Variants in PSD3 observed in about 807,000 individuals in gnomAD.
The protein encoded by PSD3 is PH and SEC7 domain-containing protein 3.
In PSD3, 49 loss-of-function variants were observed where a neutral mutation model predicts 105.5. That is an observed-to-expected ratio of 0.46 (90% CI 0.37 to 0.59). The LOEUF is 0.59. PSD3 is among the 20% of genes least tolerant of loss of function. The probability of loss-of-function intolerance (pLI) is 0.00; values close to 1 mark genes in which losing one functional copy is unlikely to be tolerated. For missense variants in PSD3, 1,561 were observed against 1,263.8 expected (o/e 1.24, Z -3.57); for synonymous variants, 557 against 457.8 (o/e 1.22, Z -2.77).
At position 18,765,505 on chromosome 8, in the gene PSD3, T is replaced by C. The variant is rs772838293; in HGVS notation, c.2116A>G (p.Ile706Val). The change falls in exon 9 of 16, where the codon ATT becomes GTT. Residue 706 changes from isoleucine (I) to valine (V), a missense_variant. Ile to Val is a conservative substitution (Grantham distance 29). Coordinates refer to ENST00000327040, the MANE Select transcript of PSD3 (RefSeq NM_015310.4). Reference protein sequence around the residue: ...IGKKMTCQEFIANLQGVNEGV... With the variant: ...IGKKMTCQEFVANLQGVNEGV... ...TCATTTACCCCTTGCAGATTTGCAATGAACTCCTGACAGGTCATCTTCTTT... is the reference window on the plus strand; with the variant it reads ...TCATTTACCCCTTGCAGATTTGCAACGAACTCCTGACAGGTCATCTTCTTT... 11 of 1,612,590 alleles carry C rather than the reference T, an allele frequency of 6.8e-6. No individual in the cohort carries two copies. Among genetic ancestry groups the C allele is most frequent in the African/African-American group, 1.3e-5 (1 of 74,898 alleles).
chr8:18,777,157 C>T lies in PSD3; in HGVS notation c.2083-11619G>A, dbSNP rs373743801. 1.6e-4 allele frequency among the ~76,000 whole-genome samples: 25 copies of T among 152,154 alleles called. No homozygotes were observed. The South Asian group carries it at 4.8e-3, about 29-fold the overall frequency. The stretch of plus-strand genomic sequence containing the variant: ...TCCTGGGTTCAAGCAATTCTTGTGC[C>T]TCAGCCTCCCGTGTAGCTGGGACTA... On this transcript the variant is annotated intron_variant, in intron 8 of 15. Coordinates refer to ENST00000327040, the MANE Select transcript of PSD3 (RefSeq NM_015310.4).
intron 8 of PSD3, among the ~76,000 whole-genome samples, chr8:18,772,411 A>G (rs1807622884): frequency 6.6e-6 from 1 of 152,130 alleles, no homozygotes; most frequent in African/African-American, 2.4e-5. Flanking sequence ...TTTGATAGCA[A>G]TGATCGTAGT....
At chr8:18,814,477 T>G (rs1586101725) in intron 4 of PSD3, among the ~76,000 whole-genome samples, 1 of 152,344 alleles carries the variant, frequency 6.6e-6, no homozygotes, top group East Asian at 1.9e-4. Flanking sequence ...ATGCAGGTTT[T>G]CACTTTTTGT....
intron 1 of PSD3, among the ~76,000 whole-genome samples, chr8:19,025,939 G>A (rs1827535819): frequency 6.6e-6 from 1 of 152,160 alleles, no homozygotes; most frequent in Non-Finnish European, 1.5e-5. Flanking sequence ...AAAGGAAAGA[G>A]GTTTAATGGA....
intron 10 of PSD3, among the ~76,000 whole-genome samples, chr8:18,640,106 G>T (rs722311): frequency 0.65 from 99,427 of 152,074 alleles, 32,696 homozygotes; most frequent in South Asian, 0.73. Flanking sequence ...GACTGTGGTC[G>T]TGAATCCATT....
chr8:18,861,074 C>A (rs570856614), intron 4 of PSD3, among the ~76,000 whole-genome samples: 1 of 152,230 alleles, frequency 6.6e-6, no homozygotes, highest in East Asian at 1.9e-4. Flanking sequence ...AGGACCATTT[C>A]CTGAAGTCAT....
chr8:18,607,133 G>C (rs1804896512), intron 11 of PSD3, among the ~76,000 whole-genome samples: 1 of 152,106 alleles, frequency 6.6e-6, no homozygotes, highest in African/African-American at 2.4e-5. Flanking sequence ...GAGATGATGA[G>C]ATAAGAGGGA....
At chr8:18,861,537 G>T (rs1429768464) in intron 4 of PSD3, among the ~76,000 whole-genome samples, 1 of 151,918 alleles carries the variant, frequency 6.6e-6, no homozygotes, top group African/African-American at 2.4e-5. Flanking sequence ...ATCACACTAG[G>T]TGTCCTCCTA....
rs563571703 is a variant in PSD3, at chr8:18,777,801, C to A, written c.2083-12263G>T. 3.3e-5 allele frequency among the ~76,000 whole-genome samples: 5 copies of A among 152,266 alleles called. No homozygotes were observed. The South Asian group carries it at 1.0e-3, about 32-fold the overall frequency. On this transcript the variant is annotated intron_variant, in intron 8 of 15. Coordinates refer to ENST00000327040, the MANE Select transcript of PSD3 (RefSeq NM_015310.4). Reference sequence around the variant, plus strand: ...TTCCATTCGCCTCCCTTTAATCCCACCACCACCACTATCCACAGCCTCTGG... The same window carrying A: ...TTCCATTCGCCTCCCTTTAATCCCAACACCACCACTATCCACAGCCTCTGG...
chr8:18,616,384 G>C (rs73583914), intron 11 of PSD3, among the ~76,000 whole-genome samples: 10 of 152,314 alleles, frequency 6.6e-5, no homozygotes, highest in African/African-American at 2.2e-4. Context: ...TATCTTTTGT[G>C]GGGGAGATTT....
intron 9 of PSD3, among the ~76,000 whole-genome samples, chr8:18,740,714 A>G (rs1033110478): frequency 6.6e-6 from 1 of 152,192 alleles, no homozygotes; most frequent in South Asian, 2.1e-4. Flanking sequence ...CTTAAATCCC[A>G]AAAGTCACAT....
chr8:18,557,093 T>C (rs1037267900), intron 14 of PSD3, among the ~76,000 whole-genome samples: 21 of 152,330 alleles, frequency 1.4e-4, no homozygotes, highest in East Asian at 1.3e-3. Flanking sequence ...ACCTTAGCAA[T>C]AGGCTACCCA....
chr8:18,610,008 G>C (rs954828783), intron 11 of PSD3, among the ~76,000 whole-genome samples: 1 of 152,150 alleles, frequency 6.6e-6, no homozygotes, highest in African/African-American at 2.4e-5. Context: ...CAGCGTGGTA[G>C]CACTAAAACA....
At chr8:18,755,998 T>G (rs528208595) in intron 9 of PSD3, among the ~76,000 whole-genome samples, 2 of 152,292 alleles carry the variant, frequency 1.3e-5, no homozygotes, top group Admixed American at 1.3e-4. Context: ...CTTGATTTAC[T>G]TTACTGAAAA....
intron 4 of PSD3, among the ~76,000 whole-genome samples, chr8:18,822,719 GTTTTA>G (rs769791886): frequency 1.7e-4 from 26 of 152,150 alleles, no homozygotes; most frequent in Non-Finnish European, 3.4e-4. Context: ...TTGCACTCAT[GTTTTA>G]TGACTTTCAG....
intron 15 of PSD3, among the ~76,000 whole-genome samples, chr8:18,553,167 T>C (rs1800878032): frequency 1.3e-5 from 2 of 152,166 alleles, no homozygotes; most frequent in South Asian, 2.1e-4. Context: ...AATAAAAGTA[T>C]TTTTCCTTAC....
At chr8:18,984,980 C>A (rs1407279914) in intron 1 of PSD3, among the ~76,000 whole-genome samples, 1 of 152,172 alleles carries the variant, frequency 6.6e-6, no homozygotes, top group Non-Finnish European at 1.5e-5. Context: ...GTTGCCCAGG[C>A]TGGAGTACGG....
intron 4 of PSD3, among the ~76,000 whole-genome samples, chr8:18,811,352 T>G (rs1282461970): frequency 3.3e-5 from 5 of 152,220 alleles, no homozygotes; most frequent in Admixed American, 3.3e-4. Context: ...TCTTCAATGA[T>G]TCAATGAATA....
chr8:18,698,509 G>C (rs1801390442), intron 9 of PSD3, among the ~76,000 whole-genome samples: 1 of 152,114 alleles, frequency 6.6e-6, no homozygotes, highest in African/African-American at 2.4e-5. Flanking sequence ...TGAAGGTGGA[G>C]AAAGGGGGTC....
Sources: gnomAD v4.1 joint callset for allele counts (sites outside exome capture counted in the v4.1 genomes callset) on GRCh38, gnomAD v4.1.1 for gene constraint, MANE v1.5 for transcripts, NCBI Gene and HGNC (gene_info 2026-07-23, HGNC 2026-07-21) for gene names.